Variants in B4GALNT3 observed in about 807,000 individuals in gnomAD.
B4GALNT3 encodes the protein beta-1,4-N-acetylgalactosaminyltransferase 3.
B4GALNT3 carries 86 observed loss-of-function variants against 120.2 expected under a neutral mutation model. That is an observed-to-expected ratio of 0.72 (90% CI 0.60 to 0.86). The LOEUF is 0.86. Ranked by LOEUF, B4GALNT3 falls within the 40% of genes least tolerant of loss-of-function variation. The pLI is 0.00. For missense variants in B4GALNT3, 1,167 were observed against 1,298.9 expected, an observed-to-expected ratio of 0.90 and a Z score of 1.56; for synonymous variants, 518 against 510.4, an observed-to-expected ratio of 1.01 and a Z score of -0.20.
rs1411377531 is a variant in B4GALNT3, at chr12:548,773, G to C, written c.853+476G>C. On this transcript the variant is annotated intron_variant, in intron 9 of 19. Transcript: ENST00000266383. The surrounding 1 kb of genome is among the most constrained non-coding windows in gnomAD (Gnocchi z 4.9). ...AAAAATTAAAAAATTAACTGGGTGT[G>C]GTGGCGCATGCCTGTAGTCACAGCT... 6.6e-6 allele frequency among the ~76,000 whole-genome samples: 1 copy of C among 152,132 alleles called. No individual in the cohort carries two copies. The highest frequency in any genetic ancestry group is 1.5e-5 in the Non-Finnish European group (1 of 68,022).
At chr12:498,515 G>GT (rs61019467) in intron 1 of B4GALNT3, among the ~76,000 whole-genome samples, 41,920 of 152,026 alleles carry the variant, frequency 0.28, 6,708 homozygotes, top group South Asian at 0.43. Flanking sequence ...ATTCCTGTGT[G>GT]TTGTCCACAC....
At position 562,560 on chromosome 12, in the gene B4GALNT3, G is replaced by C. The variant is rs976852334; in HGVS notation, c.*1109G>C. ...AAGAAGGGGGCGGGATGAGAGGTTT[G>C]GGGAGGTGAGGACATTGCCCTGAGA... On this transcript the variant is annotated 3_prime_UTR_variant, in exon 20 of 20. Coordinates refer to ENST00000266383, the MANE Select transcript of B4GALNT3 (RefSeq NM_173593.4). The surrounding 1 kb of genome is among the most constrained non-coding windows in gnomAD (Gnocchi z 5.2). 8 of 152,268 alleles carry C rather than the reference G, an allele frequency of 5.3e-5. No homozygotes were observed. Among genetic ancestry groups the C allele is most frequent in the African/African-American group, 1.7e-4 (7 of 41,350 alleles). 9.4% of individuals were successfully genotyped at this position (152,268 alleles called of 1,614,324 possible).
rs548496699 is a variant in B4GALNT3, at chr12:460,032, T to G, written c.-345T>G. On this transcript the variant is annotated 5_prime_UTR_variant, in exon 1 of 20. Transcript: ENST00000266383. The surrounding 1 kb of genome is among the most constrained non-coding windows in gnomAD (Gnocchi z 8.0). ...CAGGCGGGCGGGCGCCGGGGAAGCC[T>G]CCTTCTGGGCAGCGAGTGAGGGCGG... Among the ~76,000 whole-genome samples, 1 of 147,856 alleles carries G rather than the reference T, an allele frequency of 6.8e-6. No individual in the cohort carries two copies. Among genetic ancestry groups the G allele is most frequent in the East Asian group, 2.0e-4 (1 of 4,934 alleles).
intron 1 of B4GALNT3, among the ~76,000 whole-genome samples, chr12:498,989 C>G (rs1946415213): frequency 6.6e-6 from 1 of 152,128 alleles, no homozygotes; most frequent in African/African-American, 2.4e-5. Flanking sequence ...GTTGGTGGAT[C>G]TGGGGACAGG....
At position 548,211 on chromosome 12, in the gene B4GALNT3, C is replaced by T. The variant is rs1396056671; in HGVS notation, c.787-20C>T. ...AGCTACCTCCCACCTTCTGCATCTA[C>T]CCTCTCTCTCCTCTTCCAGTGGCGA... On this transcript the variant is annotated intron_variant, in intron 8 of 19. Coordinates refer to ENST00000266383, the MANE Select transcript of B4GALNT3 (RefSeq NM_173593.4). The surrounding 1 kb of genome is among the most constrained non-coding windows in gnomAD (Gnocchi z 4.9). 2.5e-6 allele frequency: 4 copies of T among 1,613,014 alleles called. No individual in the cohort carries two copies. The highest frequency in any genetic ancestry group is 1.1e-5 in the South Asian group (1 of 91,080).
intron 1 of B4GALNT3, among the ~76,000 whole-genome samples, chr12:472,377 C>G (rs1370764632): frequency 6.6e-6 from 1 of 152,220 alleles, no homozygotes; most frequent in Non-Finnish European, 1.5e-5. Context: ...AACTCTTGGA[C>G]TCAAACAATC....
At chr12:512,355 G>A (rs1476322365) in intron 1 of B4GALNT3, among the ~76,000 whole-genome samples, 39 of 61,234 alleles carry the variant, frequency 6.4e-4, no homozygotes, top group Admixed American at 2.8e-3. Flanking sequence ...TCCACCTTCC[G>A]CCTTCGACCT....
intron 1 of B4GALNT3, among the ~76,000 whole-genome samples, chr12:487,334 A>G (rs1946299177): frequency 6.6e-6 from 1 of 152,236 alleles, no homozygotes; most frequent in Non-Finnish European, 1.5e-5. Flanking sequence ...AAGCTCAGAA[A>G]TCATCAAGCA....
intron 18 of B4GALNT3, 24 bp downstream of exon 18, chr12:558,685 G>T: frequency 1.2e-6 from 2 of 1,610,804 alleles, no homozygotes; most frequent in East Asian, 4.5e-5. Flanking sequence ...AGACTGGGGA[G>T]GGAGGAAAGA....
intron 1 of B4GALNT3, among the ~76,000 whole-genome samples, chr12:515,476 C>T (rs1352395810): frequency 6.6e-6 from 1 of 152,028 alleles, no homozygotes; most frequent in African/African-American, 2.4e-5. Context: ...GGATTTTAGG[C>T]GTGAGCCACC....
chr12:472,452 TTTTA>T (rs1946145408), intron 1 of B4GALNT3, among the ~76,000 whole-genome samples: 1 of 152,018 alleles, frequency 6.6e-6, no homozygotes, highest in South Asian at 2.1e-4. Context: ...GCTTATTTTA[TTTTA>T]TTTATTTTTT....
chr12:557,996 C>T lies in B4GALNT3; in HGVS notation c.2535-20C>T, dbSNP rs868526278. ...CCGCAGCTGAGTCCTGATACGCAGCCCTCTCTCCCCTTCCTGCAGCTACCA... is the reference window on the plus strand; with the variant it reads ...CCGCAGCTGAGTCCTGATACGCAGCTCTCTCTCCCCTTCCTGCAGCTACCA... On this transcript the variant is annotated intron_variant, in intron 16 of 19. Coordinates refer to ENST00000266383, the MANE Select transcript of B4GALNT3 (RefSeq NM_173593.4). 2.5e-6 allele frequency: 4 copies of T among 1,613,380 alleles called. No homozygotes were observed. The highest frequency in any genetic ancestry group is 3.4e-6 in the Non-Finnish European group (4 of 1,179,506).
At chr12:526,567 T>C (rs1261913689) in intron 1 of B4GALNT3, among the ~76,000 whole-genome samples, 1 of 152,172 alleles carries the variant, frequency 6.6e-6, no homozygotes, top group East Asian at 1.9e-4. Context: ...AATCACCCCA[T>C]TGTATCAAGG....
chr12:472,726 C>T (rs1291274934), intron 1 of B4GALNT3, among the ~76,000 whole-genome samples: 1 of 152,170 alleles, frequency 6.6e-6, no homozygotes. Context: ...CGTGAGCCAC[C>T]GCGCCCGACC....
At chr12:508,739 A>G (rs1448375164) in intron 1 of B4GALNT3, among the ~76,000 whole-genome samples, 1 of 152,192 alleles carries the variant, frequency 6.6e-6, no homozygotes, top group Non-Finnish European at 1.5e-5. Flanking sequence ...TTGCCCAAGC[A>G]GAGATTACAA....
chr12:544,872 C>G lies in B4GALNT3; in HGVS notation c.448-10C>G. On this transcript the variant is annotated splice_polypyrimidine_tract_variant and intron_variant, in intron 4 of 19. Coordinates refer to ENST00000266383, the MANE Select transcript of B4GALNT3 (RefSeq NM_173593.4). ...CTGGGTAACTGTTTCCTTCCCCTTTCTTGGCATAGATTCGCACAACCCTGA... is the reference window on the plus strand; with the variant it reads ...CTGGGTAACTGTTTCCTTCCCCTTTGTTGGCATAGATTCGCACAACCCTGA... The G allele has an allele frequency of 6.2e-7, 1 of 1,613,234 alleles. No homozygotes were observed. Among genetic ancestry groups the G allele is most frequent in the Non-Finnish European group, 8.5e-7 (1 of 1,179,388 alleles).
rs892157031 is a variant in B4GALNT3 at position 560,282 on chromosome 12, G to A, written c.2888+861G>A. On this transcript the variant is annotated intron_variant, in intron 19 of 19. Coordinates refer to ENST00000266383, the MANE Select transcript of B4GALNT3 (RefSeq NM_173593.4). ...AGCACTGGGGGCGGGACCTCGACAC[G>A]AAGACACGCTCACTTCTTCCCGAGA... Among the ~76,000 whole-genome samples, 11 of 152,246 alleles carry A rather than the reference G, an allele frequency of 7.2e-5. No homozygotes were observed. In the East Asian group the frequency reaches 1.2e-3, roughly 16 times the overall value.
intron 4 of B4GALNT3, among the ~76,000 whole-genome samples, chr12:544,641 T>C (rs1946968809): frequency 6.6e-6 from 1 of 152,184 alleles, no homozygotes; most frequent in Admixed American, 6.5e-5. Context: ...AGTTTCAGGC[T>C]CTCTGGCTCA....
intron 1 of B4GALNT3, among the ~76,000 whole-genome samples, chr12:478,175 A>G (rs1485819007): frequency 1.3e-5 from 2 of 150,858 alleles, no homozygotes; most frequent in Non-Finnish European, 2.9e-5. Context: ...GCATGAGCCC[A>G]GGAGATCAAG....
Sources: allele counts gnomAD v4.1 joint callset (sites outside exome capture counted in the v4.1 genomes callset), GRCh38; gene constraint gnomAD v4.1.1; non-coding constraint Gnocchi (gnomAD v3.1); transcripts MANE v1.5; gene names NCBI Gene and HGNC (gene_info 2026-07-23, HGNC 2026-07-21).